The following COX7B2 variants were observed in gnomAD, a reference collection of about 807,000 sequenced individuals.
COX7B2 encodes cytochrome c oxidase subunit 7B2, mitochondrial.
For synonymous variants in COX7B2, 37 were observed against 32.1 expected (o/e 1.15, Z -0.51); for missense variants, 109 against 95.9 (o/e 1.14, Z -0.57).
chr4:46,741,027 G>C (rs758624567), intron 2 of COX7B2, among the ~76,000 whole-genome samples: 1 of 152,048 alleles, frequency 6.6e-6, no homozygotes, highest in East Asian at 1.9e-4. Flanking sequence ...GAGTAGAAGG[G>C]GGAGGCATCT....
At chr4:46,789,636 C>CA (rs1434690295) in intron 2 of COX7B2, among the ~76,000 whole-genome samples, 1 of 151,838 alleles carries the variant, frequency 6.6e-6, no homozygotes, top group Non-Finnish European at 1.5e-5. Context: ...AAGTGAAAAA[C>CA]AAAAAAAGCG....
chr4:46,759,313 T>C (rs1338756865), intron 2 of COX7B2, among the ~76,000 whole-genome samples: 2 of 152,038 alleles, frequency 1.3e-5, no homozygotes, highest in Non-Finnish European at 2.9e-5. Context: ...GGAAAATATA[T>C]TCAATATACT....
At chr4:46,821,894 T>G (rs1311224101) in intron 2 of COX7B2, among the ~76,000 whole-genome samples, 1 of 152,058 alleles carries the variant, frequency 6.6e-6, no homozygotes, top group Admixed American at 6.6e-5. Context: ...GTTATTCATT[T>G]TTTTTTGTTT....
intron 2 of COX7B2, among the ~76,000 whole-genome samples, chr4:46,771,676 C>T (rs1716886440): frequency 6.6e-6 from 1 of 151,946 alleles, no homozygotes; most frequent in African/African-American, 2.4e-5. Context: ...GAAATACTCA[C>T]TGGAGCATTT....
intron 2 of COX7B2, among the ~76,000 whole-genome samples, chr4:46,835,793 G>A (rs939877264): frequency 6.6e-6 from 1 of 152,072 alleles, no homozygotes. Flanking sequence ...TTTCATCAAC[G>A]TACAAAAATC....
intron 2 of COX7B2, among the ~76,000 whole-genome samples, chr4:46,833,524 T>C (rs1715306450): frequency 6.6e-6 from 1 of 152,166 alleles, no homozygotes; most frequent in African/African-American, 2.4e-5. Context: ...ATATACTTTT[T>C]GATGTAAGAT....
chr4:46,815,761 G>C (rs1006930388), intron 2 of COX7B2, among the ~76,000 whole-genome samples: 5 of 152,096 alleles, frequency 3.3e-5, no homozygotes, highest in Non-Finnish European at 5.9e-5. Context: ...TTGAACAAAG[G>C]ATTCTTATGA....
chr4:46,759,738 G>A (rs1417482004), intron 2 of COX7B2, among the ~76,000 whole-genome samples: 2 of 151,376 alleles, frequency 1.3e-5, no homozygotes, highest in Non-Finnish European at 2.9e-5. Flanking sequence ...ATACTCTCAG[G>A]AACGCTTGTT....
At chr4:46,909,093 T>C (rs1720592497) in intron 1 of COX7B2, 67 bp downstream of exon 1, 1 of 151,458 alleles carries the variant, frequency 6.6e-6, no homozygotes, top group Non-Finnish European at 1.5e-5. Context: ...GTTAGAGCAA[T>C]GAATGAAGAC....
intron 1 of COX7B2, among the ~76,000 whole-genome samples, chr4:46,856,037 A>G (rs940735139): frequency 6.6e-6 from 1 of 152,090 alleles, no homozygotes; most frequent in Non-Finnish European, 1.5e-5. Flanking sequence ...TGAGGTCAGG[A>G]GTTCGAGATC....
At chr4:46,744,049 A>ACT (rs1246168433) in intron 2 of COX7B2, among the ~76,000 whole-genome samples, 1 of 152,180 alleles carries the variant, frequency 6.6e-6, no homozygotes, top group Non-Finnish European at 1.5e-5. Context: ...TGGCAGTTTT[A>ACT]ATATTTGTGC....
At chr4:46,861,479 T>G (rs2109801830) in intron 1 of COX7B2, among the ~76,000 whole-genome samples, 1 of 152,290 alleles carries the variant, frequency 6.6e-6, no homozygotes, top group South Asian at 2.1e-4. Flanking sequence ...AAGGACTCAC[T>G]GCTGGGGTGC....
At chr4:46,791,911 T>C (rs544159573) in intron 2 of COX7B2, among the ~76,000 whole-genome samples, 2 of 152,332 alleles carry the variant, frequency 1.3e-5, no homozygotes, top group East Asian at 1.9e-4. Flanking sequence ...ACAAGAAAGA[T>C]GGCTTCTTTT....
chr4:46,888,044 T>A (rs1719188045), intron 1 of COX7B2, among the ~76,000 whole-genome samples: 1 of 152,134 alleles, frequency 6.6e-6, no homozygotes, highest in Admixed American at 6.6e-5. Context: ...GACTCAAACA[T>A]CTGGAAAACA....
chr4:46,848,350 C>G (rs547976470), intron 1 of COX7B2, among the ~76,000 whole-genome samples: 33 of 151,958 alleles, frequency 2.2e-4, no homozygotes, highest in Admixed American at 6.6e-5. Flanking sequence ...AAAATCAATA[C>G]AATCAAATCT....
chr4:46,767,354 G>C lies in COX7B2; in HGVS notation c.-49-32113C>G, dbSNP rs142704012. On this transcript the variant is annotated intron_variant, in intron 2 of 2. Coordinates refer to ENST00000355591, the MANE Select transcript of COX7B2 (RefSeq NM_130902.3). ...ATGCACTCTAAGTCAGATTACCTAA[G>C]TATATAAAGCAAAAATTTACACAAC... Among the ~76,000 whole-genome samples, 592 of 152,158 alleles carry C rather than the reference G, an allele frequency of 3.9e-3. 6 individuals are homozygous for C. Among genetic ancestry groups the C allele is most frequent in the African/African-American group, 0.014 (573 of 41,536 alleles).
intron 1 of COX7B2, among the ~76,000 whole-genome samples, chr4:46,861,826 C>CCATTCCCCTTCCCA (rs774267964): frequency 2.0e-4 from 31 of 152,154 alleles, no homozygotes; most frequent in Non-Finnish European, 4.4e-4. Flanking sequence ...CCTAGAAAGG[C>CCATTCCCCTTCCCA]CATTCCCCTT....
chr4:46,784,158 A>C (rs1717626437), intron 2 of COX7B2, among the ~76,000 whole-genome samples: 1 of 152,214 alleles, frequency 6.6e-6, no homozygotes, highest in Admixed American at 6.5e-5. Context: ...TCATGGAATA[A>C]GAGAGGGGCA....
In COX7B2 at chr4:46,797,092, T is replaced by TAAAAA. The variant is rs762801656; in HGVS notation, c.-50+47863_-50+47867dup. Among the ~76,000 whole-genome samples the TAAAAA allele has an allele frequency of 1.2e-3, 77 of 62,540 alleles. 1 individual carries two copies. The highest frequency in any genetic ancestry group is 1.9e-3 in the East Asian group (4 of 2,064). 41.0% of individuals were successfully genotyped at this position (62,540 alleles called of 152,430 possible). On this transcript the variant is annotated intron_variant, in intron 2 of 2. Coordinates refer to ENST00000355591, the MANE Select transcript of COX7B2 (RefSeq NM_130902.3). ...ATGTACCCTAAAACTTAGAGTATAA[T>TAAAAA]AAAAAAAAAAAAAAAAAAAAAAAAA... is the stretch of plus-strand genomic sequence containing the variant.
Sources: gnomAD v4.1 joint callset for allele counts (sites outside exome capture counted in the v4.1 genomes callset) on GRCh38, gnomAD v4.1.1 for gene constraint, MANE v1.5 for transcripts, NCBI Gene and HGNC (gene_info 2026-07-23, HGNC 2026-07-21) for gene names.